Variants in PRC1 observed in about 807,000 individuals in gnomAD.
PRC1 encodes the protein protein regulator of cytokinesis 1, also known as anaphase spindle elongation 1 homolog.
In PRC1, 54 loss-of-function variants were observed where a neutral mutation model predicts 91.2. That is an observed-to-expected ratio of 0.59 (90% confidence interval 0.48 to 0.74). The LOEUF (loss-of-function observed/expected upper bound fraction) is 0.74, where lower values mean the gene tolerates loss of function less well. PRC1 is among the 30% of genes least tolerant of loss of function. PRC1 has a pLI of 0.00. For synonymous variants in PRC1, 275 were observed against 263.6 expected, an observed-to-expected ratio of 1.04 and a Z score of -0.42; for missense variants, 727 against 746.2, an observed-to-expected ratio of 0.97 and a Z score of 0.30.
intron 1 of PRC1, among the ~76,000 whole-genome samples, chr15:90,990,832 G>A (rs189431087): frequency 4.3e-4 from 65 of 151,656 alleles, no homozygotes; most frequent in African/African-American, 1.5e-3. Context: ...AGGCCGGAGT[G>A]CAATGGTGTG....
intron 1 of PRC1, among the ~76,000 whole-genome samples, chr15:90,990,066 C>T (rs13329634): frequency 0.12 from 18,911 of 151,960 alleles, 2,372 homozygotes; most frequent in African/African-American, 0.32. Context: ...AGGCCGGGTG[C>T]GGTGGATCAC....
At position 90,994,535 on chromosome 15, in the gene PRC1, T is replaced by G. The variant is rs2040186213; in HGVS notation, c.-118A>C. 1 of 1,424,244 alleles carries G rather than the reference T, an allele frequency of 7.0e-7. No homozygotes were observed. Among genetic ancestry groups the G allele is most frequent in the African/African-American group, 1.5e-5 (1 of 67,556 alleles). 88.2% of individuals were successfully genotyped at this position (1,424,244 alleles called of 1,614,324 possible). On this transcript the variant is annotated 5_prime_UTR_variant, in exon 1 of 15. Transcript: ENST00000394249. ...TCCGCGTAGCCGCTCCGCGAGCCGT[T>G]GAGCCCCGCAAAATTTCAAACCGCG...
Position 90,994,484 on chromosome 15 carries a change from C to T in PRC1, c.-67G>A, listed in dbSNP as rs141156325. 1.6e-3 allele frequency: 2,520 copies of T among 1,559,708 alleles called. 23 individuals are homozygous for T. In the African/African-American group the frequency reaches 0.024, roughly 15 times the overall value. ...CTCCACACGGCCCCGAGAGCAACAA[C>T]CACCCGCAAACACCGGCGATGTCAC... is the stretch of plus-strand genomic sequence containing the variant. On this transcript the variant is annotated 5_prime_UTR_variant, in exon 1 of 15. Transcript: ENST00000394249.
At chr15:90,971,722 A>G (rs2038150863) in intron 11 of PRC1, among the ~76,000 whole-genome samples, 1 of 151,956 alleles carries the variant, frequency 6.6e-6, no homozygotes, top group South Asian at 2.1e-4. Context: ...TAGGTGTGGT[A>G]GCACATGCCT....
rs1290228872 is a variant in PRC1 at position 90,970,495 on chromosome 15, G to GA, written c.1480dup (p.Ser494PhefsTer7). 6.2e-7 allele frequency: 1 copy of GA among 1,613,048 alleles called. No homozygotes were observed. The highest frequency in any genetic ancestry group is 1.7e-5 in the Admixed American group (1 of 59,990). On this transcript the variant is annotated frameshift_variant, in exon 12 of 15. Transcript: ENST00000394249. LOFTEE classifies it high-confidence loss of function. ...AATGCTACTATTGGCCGTAGCATTG[G>GA]ACATGGTGGTAGTGTTCAGCTAGGG...
chr15:90,969,790 A>ATATATATATATATG (rs2037929330), intron 12 of PRC1, among the ~76,000 whole-genome samples, 167 bp from the exon 13 acceptor site: 2 of 108,834 alleles, frequency 1.8e-5, no homozygotes, highest in African/African-American at 8.1e-5. Flanking sequence ...ATATATATAT[A>ATATATATATATATG]TATATATATA....
chr15:90,967,537 T>G (rs2037618703), intron 14 of PRC1: 1 of 227,042 alleles, frequency 4.4e-6, no homozygotes, highest in Non-Finnish European at 8.6e-6. Context: ...GGTGGTCCCA[T>G]AAGATTATAC....
chr15:90,967,269 T>G, intron 14 of PRC1, 67 bp from the exon 15 acceptor site: 1 of 1,402,702 alleles, frequency 7.1e-7, no homozygotes, highest in South Asian at 1.2e-5. Flanking sequence ...CCTTCTAAGT[T>G]TGGTTAAGTG....
At chr15:90,968,555 T>C (rs2037748509) in intron 14 of PRC1, 6 of 990,570 alleles carry the variant, frequency 6.1e-6, no homozygotes, top group Non-Finnish European at 7.2e-6. Context: ...CTGGAAAAAC[T>C]TGCTTCCAGT....
At chr15:90,970,268 T>A in intron 12 of PRC1, 136 bp downstream of exon 12, 1 of 694,820 alleles carries the variant, frequency 1.4e-6, no homozygotes, top group Non-Finnish European at 2.6e-6. Context: ...GTGAGCTAGC[T>A]TATATCTGTC....
rs2038428416 is a variant in PRC1, at chr15:90,974,040, C to A, written c.1461+96G>T. The stretch of plus-strand genomic sequence containing the variant: ...CTTGTCCCACCTGATGAGAAATACC[C>A]ACAGGTGTGGAGGGGCTGGCCCCCT... On this transcript the variant is annotated intron_variant, in intron 11 of 14. Coordinates refer to ENST00000394249, the MANE Select transcript of PRC1 (RefSeq NM_003981.4). The surrounding 1 kb of genome is among the most constrained non-coding windows in gnomAD (Gnocchi z 4.6). 1 of 959,960 alleles carries A rather than the reference C, an allele frequency of 1.0e-6. No individual in the cohort carries two copies. The highest frequency in any genetic ancestry group is 1.6e-5 in the African/African-American group (1 of 61,562). 59.5% of individuals were successfully genotyped at this position (959,960 alleles called of 1,614,324 possible).
In PRC1 at chr15:90,974,253, G is replaced by A. The variant is rs1178038681; in HGVS notation, c.1351-7C>T. The A allele has an allele frequency of 6.2e-7, 1 of 1,605,308 alleles. No homozygotes were observed. Among genetic ancestry groups the A allele is most frequent in the South Asian group, 1.1e-5 (1 of 90,884 alleles). On this transcript the variant is annotated splice_region_variant and splice_polypyrimidine_tract_variant and intron_variant, in intron 10 of 14. Transcript: ENST00000394249. This position sits in a 1 kb window ranked among gnomAD's most constrained non-coding sequence, Gnocchi z 4.6. Reference sequence around the variant, plus strand: ...GTTTTTTGTTCTTCAGTTGCTGTGTGAAAGTCAGAAGCAACAGTGATAAAT... The same window carrying A: ...GTTTTTTGTTCTTCAGTTGCTGTGTAAAAGTCAGAAGCAACAGTGATAAAT...
chr15:90,977,124 A>AAAAG (rs2038786047), intron 8 of PRC1: 1 of 141,470 alleles, frequency 7.1e-6, no homozygotes, highest in East Asian at 1.9e-4. Context: ...ACGCTCAAAA[A>AAAAG]AAAAAAAAAA....
chr15:90,991,577 TTC>T (rs1325567402), intron 1 of PRC1, among the ~76,000 whole-genome samples: 2 of 152,068 alleles, frequency 1.3e-5, no homozygotes, highest in Admixed American at 6.6e-5. Flanking sequence ...AAACTAACAT[TTC>T]TCACTCTTCC....
rs149716471 is a variant in PRC1, at chr15:90,973,294, G to A, written c.1461+842C>T. Among the ~76,000 whole-genome samples, 233 of 152,370 alleles carry A rather than the reference G, an allele frequency of 1.5e-3. 1 individual carries two copies. The highest frequency in any genetic ancestry group is 5.1e-3 in the African/African-American group (213 of 41,576). On this transcript the variant is annotated intron_variant, in intron 11 of 14. Coordinates refer to ENST00000394249, the MANE Select transcript of PRC1 (RefSeq NM_003981.4). ...CAAGGTTCAAGGGATCTAGGGCTGT[G>A]CAGCATGTGCCTTGTTAACAATATG...
intron 1 of PRC1, among the ~76,000 whole-genome samples, chr15:90,990,937 C>G (rs1226355854): frequency 1.3e-5 from 2 of 151,676 alleles, no homozygotes; most frequent in Non-Finnish European, 2.9e-5. Context: ...CGGCACCACG[C>G]CCGGCTAATT....
rs142300202 is a variant in PRC1 at position 90,980,892 on chromosome 15, G to C, written c.814C>G (p.Arg272Gly). The C allele has an allele frequency of 4.3e-6, 7 of 1,614,102 alleles. No individual in the cohort carries two copies. Among genetic ancestry groups the C allele is most frequent in the Non-Finnish European group, 5.9e-6 (7 of 1,180,016 alleles). ...TIMSGSKAKV[R>G]KALQLEVDRL... is the part of the protein sequence containing the mutation. ...CCCACTGGGTTTCTTACCGCTTTCC[G>C]GACCTTGGCCTTTGACCCAGACATA... The change falls in exon 6 of 15, where the codon CGG becomes GGG. Residue 272 changes from arginine to glycine, a missense_variant. By Grantham distance (125) the Arg-to-Gly change is moderately radical. Transcript: ENST00000394249.
At position 90,980,281 on chromosome 15, in the gene PRC1, T is replaced by C; in HGVS notation, c.931A>G (p.Ser311Gly). 6.2e-7 allele frequency: 1 copy of C among 1,613,546 alleles called. No individual in the cohort carries two copies. The highest frequency in any genetic ancestry group is 8.5e-7 in the Non-Finnish European group (1 of 1,179,866). The change falls in exon 7 of 15, where the codon AGC (serine) becomes GGC (glycine). Residue 311 changes from serine to glycine, a missense_variant. Physicochemically the swap from Ser to Gly is moderately conservative, Grantham distance 56. Transcript: ENST00000394249. ...LVQYWDQCFY[S>G]QEQRQAFAPF... ...GCAAAAGCTTGTCTCTGCTCCTGGC[T>C]ATAAAAGCACTGGTCCCAGTACTGA...
At chr15:90,973,450 G>A (rs1156391266) in intron 11 of PRC1, among the ~76,000 whole-genome samples, 1 of 152,186 alleles carries the variant, frequency 6.6e-6, no homozygotes, top group Non-Finnish European at 1.5e-5. Flanking sequence ...GTATTTCCCC[G>A]CACTGAGACA....
Sources: gnomAD v4.1 joint callset for allele counts (sites outside exome capture counted in the v4.1 genomes callset) on GRCh38, gnomAD v4.1.1 for gene constraint, Gnocchi (gnomAD v3.1) non-coding constraint, MANE v1.5 for transcripts, NCBI Gene and HGNC (gene_info 2026-07-23, HGNC 2026-07-21) for gene names.